Variants in KLF12 observed in about 807,000 individuals in gnomAD.
KLF12 encodes KLF transcription factor 12.
A neutral mutation model predicts 37.8 loss-of-function variants in KLF12; 9 were observed. The observed-to-expected ratio is 0.24, with a 90% CI of 0.14 to 0.42. KLF12 has a LOEUF of 0.42. Ranked by LOEUF, KLF12 falls within the 10% of genes least tolerant of loss-of-function variation. The pLI, the probability that KLF12 is intolerant of heterozygous loss-of-function variation, is 1.00. For missense variants in KLF12, 411 were observed against 516.0 expected (o/e 0.80, Z 1.97); for synonymous variants, 208 against 202.1 (o/e 1.03, Z -0.25).
At chr13:73,894,079 G>A (rs944885194) in intron 3 of KLF12, among the ~76,000 whole-genome samples, 2 of 152,152 alleles carry the variant, frequency 1.3e-5, no homozygotes, top group East Asian at 1.9e-4. Context: ...GATGGGTCCT[G>A]GATGCCCCAC....
rs1314614814 is a variant in KLF12 at position 73,873,844 on chromosome 13, T to C, written c.124-27471A>G. On this transcript the variant is annotated intron_variant, in intron 3 of 7. Coordinates refer to ENST00000377669, the MANE Select transcript of KLF12 (RefSeq NM_007249.5). ...AATATCTAAAAATAATTAATGCTGATAATGTATTCAAAAGCCCTATAATAG... is the reference window on the plus strand; with the variant it reads ...AATATCTAAAAATAATTAATGCTGACAATGTATTCAAAAGCCCTATAATAG... Among the ~76,000 whole-genome samples the C allele has an allele frequency of 2.6e-5, 4 of 152,158 alleles. No individual in the cohort carries two copies. The South Asian group carries it at 6.2e-4, about 24-fold the overall frequency.
At chr13:74,235,790 A>C in the KLF12 span, among the ~76,000 whole-genome samples, 1 of 152,122 alleles carries the variant, frequency 6.6e-6, no homozygotes, top group South Asian at 2.1e-4. Flanking sequence ...TTACCCTGGC[A>C]TTTTGTTTTA....
At chr13:73,704,288 G>C (rs1874766754) in intron 7 of KLF12, among the ~76,000 whole-genome samples, 1 of 152,112 alleles carries the variant, frequency 6.6e-6, no homozygotes. Flanking sequence ...CCAACTGGTG[G>C]TCTGAAAGCA....
intron 2 of KLF12, chr13:73,961,954 T>G (rs1180246819): frequency 2.2e-6 from 1 of 449,678 alleles, no homozygotes; most frequent in East Asian, 7.1e-5. Context: ...AAACTAAATA[T>G]ATTCTTACCA....
intron 3 of KLF12, among the ~76,000 whole-genome samples, chr13:73,933,749 C>G (rs1889792605): frequency 6.6e-6 from 1 of 152,156 alleles, no homozygotes; most frequent in South Asian, 2.1e-4. Flanking sequence ...CAAGTCTCCC[C>G]TTAGCCAGTT....
At chr13:73,875,268 T>G (rs1416345987) in intron 3 of KLF12, among the ~76,000 whole-genome samples, 1 of 152,186 alleles carries the variant, frequency 6.6e-6, no homozygotes, top group Non-Finnish European at 1.5e-5. Flanking sequence ...GTACATTTAT[T>G]CTCTTTTAAG....
At chr13:73,771,646 G>A (rs1430886252) in intron 5 of KLF12, among the ~76,000 whole-genome samples, 4 of 152,170 alleles carry the variant, frequency 2.6e-5, no homozygotes, top group Non-Finnish European at 4.4e-5. Context: ...TACTATATGC[G>A]AGGTCTTGCA....
intron 3 of KLF12, among the ~76,000 whole-genome samples, chr13:73,929,340 C>G (rs950641392): frequency 1.3e-5 from 2 of 152,108 alleles, no homozygotes; most frequent in African/African-American, 4.8e-5. Flanking sequence ...CCCAGAAACT[C>G]CATGAGGCAG....
chr13:74,123,463 T>C (rs1485029950), intron 1 of KLF12, among the ~76,000 whole-genome samples: 1 of 152,246 alleles, frequency 6.6e-6, no homozygotes, highest in African/African-American at 2.4e-5. Flanking sequence ...CCTGCTTCTT[T>C]CTTGATCTGC....
intron 3 of KLF12, among the ~76,000 whole-genome samples, chr13:73,889,706 T>C (rs1211855948): frequency 6.6e-6 from 1 of 152,048 alleles, no homozygotes; most frequent in Non-Finnish European, 1.5e-5. Context: ...ATTTTTAAAG[T>C]ATAAGCAAAG....
intron 5 of KLF12, among the ~76,000 whole-genome samples, chr13:73,791,181 A>G (rs1332496291): frequency 2.0e-5 from 3 of 152,258 alleles, no homozygotes; most frequent in African/African-American, 7.2e-5. Flanking sequence ...AGTATATGTA[A>G]TTCATAATTT....
chr13:74,084,679 A>G lies in KLF12; in HGVS notation c.-32+49060T>C, dbSNP rs1020091198. On this transcript the variant is annotated intron_variant, in intron 1 of 7. Coordinates refer to ENST00000377669, the MANE Select transcript of KLF12 (RefSeq NM_007249.5). ...TGTTCCGTTTGAGCTTTAGGGCTGTATTTAAATAGATGGTTTAGGAAACAA... is the reference window on the plus strand; with the variant it reads ...TGTTCCGTTTGAGCTTTAGGGCTGTGTTTAAATAGATGGTTTAGGAAACAA... Among the ~76,000 whole-genome samples the G allele has an allele frequency of 1.4e-4, 22 of 152,304 alleles. No homozygotes were observed. In the South Asian group the frequency reaches 1.4e-3, roughly 10 times the overall value.
At chr13:74,074,410 C>A (rs538315362) in intron 1 of KLF12, among the ~76,000 whole-genome samples, 1 of 152,126 alleles carries the variant, frequency 6.6e-6, no homozygotes, top group Admixed American at 6.5e-5. Flanking sequence ...CCTGGGACAG[C>A]CTTCTCTAAC....
chr13:74,036,497 T>G (rs1294335328), intron 1 of KLF12, among the ~76,000 whole-genome samples: 8 of 152,118 alleles, frequency 5.3e-5, no homozygotes, highest in Non-Finnish European at 1.2e-4. Flanking sequence ...CACAAACACA[T>G]GAACACCACC....
At chr13:74,282,270 T>G in the KLF12 span, among the ~76,000 whole-genome samples, 1 of 152,234 alleles carries the variant, frequency 6.6e-6, no homozygotes, top group African/African-American at 2.4e-5. Flanking sequence ...GCTCACAGCT[T>G]AGCAGAAAAT....
At chr13:73,801,003 C>G (rs891400626) in intron 5 of KLF12, 2 of 152,052 alleles carry the variant, frequency 1.3e-5, no homozygotes, top group African/African-American at 4.8e-5. Context: ...TAGATTTTAA[C>G]CAGCTGACGA....
intron 6 of KLF12, among the ~76,000 whole-genome samples, chr13:73,738,741 A>C (rs975991860): frequency 6.6e-6 from 1 of 152,112 alleles, no homozygotes; most frequent in Non-Finnish European, 1.5e-5. Flanking sequence ...ACCATGATAA[A>C]CATAGCCACA....
the KLF12 span, among the ~76,000 whole-genome samples, chr13:74,233,605 G>A: frequency 6.6e-6 from 1 of 152,032 alleles, no homozygotes; most frequent in Non-Finnish European, 1.5e-5. Context: ...AGTAACTCAT[G>A]AATTGTTTGT....
At chr13:73,805,749 C>T (rs1594111514) in intron 5 of KLF12, among the ~76,000 whole-genome samples, 2 of 151,776 alleles carry the variant, frequency 1.3e-5, no homozygotes, top group East Asian at 1.9e-4. Context: ...AAGTTTTATG[C>T]GTATTGGAGT....
Sources: allele counts gnomAD v4.1 joint callset (sites outside exome capture counted in the v4.1 genomes callset), GRCh38; gene constraint gnomAD v4.1.1; transcripts MANE v1.5; gene names NCBI Gene and HGNC (gene_info 2026-07-23, HGNC 2026-07-21).